CSMD1: variants seen among roughly 807,000 people sequenced by gnomAD.
CSMD1 encodes the protein CUB and sushi domain-containing protein 1.
CSMD1 carries 213 observed loss-of-function variants against 417.5 expected under a neutral mutation model. The observed-to-expected ratio is 0.51, with a 90% CI of 0.46 to 0.57. CSMD1 has a LOEUF of 0.57. CSMD1 is among the 20% of genes least tolerant of loss of function. The pLI, the probability that CSMD1 is intolerant of heterozygous loss-of-function variation, is 0.00. For missense variants in CSMD1, 6,923 were observed against 4,529.7 expected, an observed-to-expected ratio of 1.53 and a Z score of -15.17; for synonymous variants, 2,862 against 1,736.8, an observed-to-expected ratio of 1.65 and a Z score of -16.11.
intron 5 of CSMD1, among the ~76,000 whole-genome samples, chr8:3,923,667 C>A (rs989249876): frequency 6.6e-6 from 1 of 152,130 alleles, no homozygotes; most frequent in African/African-American, 2.4e-5. Flanking sequence ...ATATATAATA[C>A]ATTCTTTTTA....
chr8:3,343,552 A>C lies in CSMD1; in HGVS notation c.3475-102T>G, dbSNP rs367960387. On this transcript the variant is annotated intron_variant, in intron 22 of 69. Coordinates refer to ENST00000635120, the MANE Select transcript of CSMD1 (RefSeq NM_033225.6). ...AATCTTCAAAGATGCAGTTTTAAAC[A>C]ATACTTAAAAAGGCATATAGTTTAC... The C allele has an allele frequency of 4.4e-5, 43 of 982,742 alleles. 1 individual carries two copies. Among genetic ancestry groups the C allele is most frequent in the African/African-American group, 3.9e-4 (24 of 60,922 alleles). The allele number at this position is 982,742 out of a possible 1,614,324, so 60.9% of individuals were successfully genotyped here.
At chr8:3,614,922 G>A (rs2117158380) in intron 8 of CSMD1, among the ~76,000 whole-genome samples, 1 of 124,976 alleles carries the variant, frequency 8.0e-6, no homozygotes, top group Non-Finnish European at 1.8e-5. Context: ...AGGGAAGCAG[G>A]AAGAAGATTT....
intron 3 of CSMD1, among the ~76,000 whole-genome samples, chr8:4,205,775 A>G (rs1000475664): frequency 3.9e-5 from 6 of 152,068 alleles, no homozygotes; most frequent in Admixed American, 3.9e-4. Context: ...CCATAGAAGA[A>G]ATAGATGCCT....
intron 15 of CSMD1, among the ~76,000 whole-genome samples, chr8:3,402,353 C>A (rs1812086226): frequency 6.6e-6 from 1 of 152,016 alleles, no homozygotes; most frequent in African/African-American, 2.4e-5. Flanking sequence ...AAAAAAATCA[C>A]CCGTTTTCTA....
intron 3 of CSMD1, among the ~76,000 whole-genome samples, chr8:4,386,038 G>C (rs1803426447): frequency 6.6e-6 from 1 of 152,060 alleles, no homozygotes; most frequent in Non-Finnish European, 1.5e-5. Flanking sequence ...GATTTCTCCA[G>C]TCTGTGCCAT....
chr8:2,948,796 T>G (rs1802424923), intron 68 of CSMD1, among the ~76,000 whole-genome samples: 1 of 152,092 alleles, frequency 6.6e-6, no homozygotes, highest in African/African-American at 2.4e-5. Flanking sequence ...TACCCATACA[T>G]CCATCAAAAT....
At chr8:3,965,310 G>A (rs1217340095) in intron 5 of CSMD1, among the ~76,000 whole-genome samples, 1 of 152,110 alleles carries the variant, frequency 6.6e-6, no homozygotes, top group Non-Finnish European at 1.5e-5. Flanking sequence ...TTTCTGAAAT[G>A]CTACCATGAA....
At chr8:3,054,946 T>G (rs996345646) in intron 49 of CSMD1, among the ~76,000 whole-genome samples, 4 of 152,220 alleles carry the variant, frequency 2.6e-5, no homozygotes, top group Non-Finnish European at 4.4e-5. Context: ...CTTTCTTTTC[T>G]GTATCTCACA....
chr8:4,650,590 G>A (rs1028479811), intron 1 of CSMD1, among the ~76,000 whole-genome samples: 3 of 151,656 alleles, frequency 2.0e-5, no homozygotes, highest in African/African-American at 4.8e-5. Flanking sequence ...CGGAGAATTC[G>A]GATTTGCTAT....
intron 1 of CSMD1, among the ~76,000 whole-genome samples, chr8:4,972,715 T>G (rs998529400): frequency 1.4e-5 from 2 of 141,480 alleles, no homozygotes; most frequent in African/African-American, 2.6e-5. Context: ...TTGCTTTAGG[T>G]AAGAAATATT....
chr8:4,348,559 A>C (rs1368620166), intron 3 of CSMD1, among the ~76,000 whole-genome samples: 1 of 143,006 alleles, frequency 7.0e-6, no homozygotes, highest in Non-Finnish European at 1.5e-5. Flanking sequence ...GTGTGTGTGC[A>C]CATGTGTGCA....
intron 54 of CSMD1, among the ~76,000 whole-genome samples, chr8:2,987,655 G>A (rs891867379): frequency 3.9e-5 from 6 of 152,224 alleles, no homozygotes; most frequent in African/African-American, 9.6e-5. Flanking sequence ...ACATAAAATC[G>A]GAGGATGAAT....
Position 4,912,511 on chromosome 8 carries a change from G to C in CSMD1, c.85+81821C>G, listed in dbSNP as rs564948569. ...CCATACAAAGTGCCAGAGGCTTCAT[G>C]CCAGATGCCCCATAAGCTCGTCTCA... On this transcript the variant is annotated intron_variant, in intron 1 of 69. Coordinates refer to ENST00000635120, the MANE Select transcript of CSMD1 (RefSeq NM_033225.6). 8.5e-5 allele frequency among the ~76,000 whole-genome samples: 13 copies of C among 152,280 alleles called. 1 individual carries two copies. In the South Asian group the frequency reaches 2.7e-3, roughly 32 times the overall value.
intron 17 of CSMD1, among the ~76,000 whole-genome samples, chr8:3,390,127 G>T (rs942544623): frequency 6.6e-6 from 1 of 151,972 alleles, no homozygotes; most frequent in Non-Finnish European, 1.5e-5. Context: ...GGCCGAGGTG[G>T]GTGGATCACC....
At chr8:3,372,345 T>G (rs1299915300) in intron 18 of CSMD1, among the ~76,000 whole-genome samples, 1 of 152,056 alleles carries the variant, frequency 6.6e-6, no homozygotes, top group East Asian at 1.9e-4. Context: ...GGTTGGAGGT[T>G]TCTTTCAGTG....
chr8:4,416,900 A>C (rs1314882769), intron 3 of CSMD1, among the ~76,000 whole-genome samples: 1 of 152,108 alleles, frequency 6.6e-6, no homozygotes, highest in African/African-American at 2.4e-5. Flanking sequence ...AAAACTGGGC[A>C]TATCTAGGAA....
At chr8:2,985,031 C>T (rs375839814) in intron 54 of CSMD1, among the ~76,000 whole-genome samples, 1 of 152,120 alleles carries the variant, frequency 6.6e-6, no homozygotes, top group African/African-American at 2.4e-5. Context: ...CAAATCAGAC[C>T]TGAGCTTAAA....
intron 5 of CSMD1, among the ~76,000 whole-genome samples, chr8:3,982,041 G>T (rs1188721889): frequency 1.3e-5 from 2 of 151,782 alleles, no homozygotes; most frequent in African/African-American, 4.8e-5. Context: ...CGCGGTGACG[G>T]TCGCCTGTAA....
At chr8:3,176,497 G>C (rs572677180) in intron 37 of CSMD1, among the ~76,000 whole-genome samples, 134 of 151,922 alleles carry the variant, frequency 8.8e-4, no homozygotes, top group Middle Eastern at 3.4e-3. Flanking sequence ...TTTGAACTAG[G>C]GCAATTTTCA....
Sources: gnomAD v4.1 joint callset for allele counts (sites outside exome capture counted in the v4.1 genomes callset) on GRCh38, gnomAD v4.1.1 for gene constraint, MANE v1.5 for transcripts, NCBI Gene and HGNC (gene_info 2026-07-23, HGNC 2026-07-21) for gene names.